The following ADGRL3 variants were observed in gnomAD, a reference collection of about 807,000 sequenced individuals.
ADGRL3 encodes the protein adhesion G protein-coupled receptor L3.
A neutral mutation model predicts 153.5 loss-of-function variants in ADGRL3; 62 were observed. The ratio of observed to expected loss-of-function variants is 0.40; its 90% CI spans 0.33 to 0.50. The LOEUF (loss-of-function observed/expected upper bound fraction) is 0.50. Among genes scored for constraint, ADGRL3 ranks in the 20% least tolerant of loss-of-function variants. The pLI is 0.47. For missense variants in ADGRL3, 1,641 were observed against 1,859.4 expected (o/e 0.88, Z 2.16); for synonymous variants, 710 against 672.5 (o/e 1.06, Z -0.86).
chr4:61,859,294 T>C (rs977250919), intron 9 of ADGRL3, among the ~76,000 whole-genome samples: 32 of 152,320 alleles, frequency 2.1e-4, no homozygotes, highest in African/African-American at 6.7e-4. Context: ...TACATATTAA[T>C]TTAGATAAGC....
chr4:61,798,770 A>G (rs2097447002), intron 8 of ADGRL3, among the ~76,000 whole-genome samples: 1 of 151,056 alleles, frequency 6.6e-6, no homozygotes, highest in Non-Finnish European at 1.5e-5. Context: ...GGCACATGCC[A>G]CTATACACAG....
intron 2 of ADGRL3, among the ~76,000 whole-genome samples, chr4:61,418,265 C>T (rs2097166259): frequency 6.6e-6 from 1 of 152,156 alleles, no homozygotes; most frequent in African/African-American, 2.4e-5. Flanking sequence ...CGCAATTTCT[C>T]TTTAGGGTCA....
At chr4:61,361,452 A>C (rs1413542419) in intron 1 of ADGRL3, among the ~76,000 whole-genome samples, 1 of 152,190 alleles carries the variant, frequency 6.6e-6, no homozygotes, top group Non-Finnish European at 1.5e-5. Flanking sequence ...AAGAAAGTAA[A>C]GAGTAAAATG....
At chr4:62,014,178 G>T (rs2099200680) in intron 21 of ADGRL3, among the ~76,000 whole-genome samples, 1 of 152,080 alleles carries the variant, frequency 6.6e-6, no homozygotes, top group Non-Finnish European at 1.5e-5. Flanking sequence ...AGGATTTGGG[G>T]TTTTTACACT....
At chr4:61,747,849 T>C (rs146452118) in intron 8 of ADGRL3, among the ~76,000 whole-genome samples, 12,315 of 151,872 alleles carry the variant, frequency 0.081, 1,034 homozygotes, top group African/African-American at 0.21. Flanking sequence ...TGTTGGAAGT[T>C]CTGGTCAGGG....
At chr4:61,457,004 T>C (rs540319550) in intron 2 of ADGRL3, among the ~76,000 whole-genome samples, 1 of 152,154 alleles carries the variant, frequency 6.6e-6, no homozygotes, top group Admixed American at 6.6e-5. Context: ...ATAGTTTTTC[T>C]AAGGTATGGA....
intron 9 of ADGRL3, among the ~76,000 whole-genome samples, chr4:61,836,402 T>C (rs2097935667): frequency 6.6e-6 from 1 of 152,162 alleles, no homozygotes; most frequent in South Asian, 2.1e-4. Context: ...GGAAACAATT[T>C]AAGTGTAGTG....
chr4:61,672,943 G>A (rs965381966), intron 5 of ADGRL3, among the ~76,000 whole-genome samples: 2 of 151,906 alleles, frequency 1.3e-5, no homozygotes, highest in African/African-American at 4.8e-5. Context: ...ATCAGCAGAT[G>A]AATAGATAAA....
intron 5 of ADGRL3, among the ~76,000 whole-genome samples, chr4:61,609,169 C>T (rs2099043845): frequency 6.6e-6 from 1 of 152,020 alleles, no homozygotes; most frequent in Non-Finnish European, 1.5e-5. Flanking sequence ...ATTGGTTAGT[C>T]TGTTCGCCAA....
Position 61,946,922 on chromosome 4 carries a change from A to G in ADGRL3, c.2428A>G (p.Arg810Gly). The change falls in exon 16 of 27, where the codon AGA (arginine) becomes GGA (glycine). Residue 810 changes from arginine to glycine, a missense_variant. Around this residue, in one of 5 missense-constraint regions of ADGRL3, gnomAD observed 734 missense variants for 797.0 expected, o/e 0.92. Transcript: ENST00000683033. ...GTTTGCATTTACTTTAGGAGAGATCAGAGTGGCCTTTGTCCTGTATAACAA... is the reference window on the plus strand; with the variant it reads ...GTTTGCATTTACTTTAGGAGAGATCGGAGTGGCCTTTGTCCTGTATAACAA... The part of the protein sequence containing the change: ...LKQNGRNGEI[R>G]VAFVLYNNLG... The G allele has an allele frequency of 1.2e-6, 2 of 1,613,418 alleles. No homozygotes were observed. Among genetic ancestry groups the G allele is most frequent in the South Asian group, 2.2e-5 (2 of 91,070 alleles).
At chr4:62,034,186 G>A (rs1416878281) in intron 23 of ADGRL3, among the ~76,000 whole-genome samples, 1 of 151,736 alleles carries the variant, frequency 6.6e-6, no homozygotes, top group Non-Finnish European at 1.5e-5. Flanking sequence ...TGTGGCTCAT[G>A]AGCCAAATTC....
chr4:61,826,977 C>T (rs932226828), intron 9 of ADGRL3, among the ~76,000 whole-genome samples: 1 of 152,096 alleles, frequency 6.6e-6, no homozygotes, highest in Non-Finnish European at 1.5e-5. Context: ...GATTCCGTTT[C>T]GTTCTTTCCC....
chr4:61,976,417 G>A (rs919695683), intron 17 of ADGRL3, among the ~76,000 whole-genome samples: 1 of 152,096 alleles, frequency 6.6e-6, no homozygotes, highest in Non-Finnish European at 1.5e-5. Flanking sequence ...TACATTCAAT[G>A]TCCACTTGAT....
At chr4:61,929,220 C>T (rs1009617960) in intron 13 of ADGRL3, among the ~76,000 whole-genome samples, 1 of 151,992 alleles carries the variant, frequency 6.6e-6, no homozygotes, top group Non-Finnish European at 1.5e-5. Flanking sequence ...AAAGGAGGCC[C>T]GAGATAATTT....
intron 5 of ADGRL3, among the ~76,000 whole-genome samples, chr4:61,648,525 T>G (rs1159903188): frequency 7.9e-5 from 5 of 63,474 alleles, no homozygotes; most frequent in East Asian, 4.6e-4. Context: ...AATTTTTTTG[T>G]TTTTTTTTCT....
intron 9 of ADGRL3, among the ~76,000 whole-genome samples, chr4:61,819,149 C>T (rs1169439428): frequency 6.6e-6 from 1 of 152,012 alleles, no homozygotes; most frequent in Non-Finnish European, 1.5e-5. Flanking sequence ...GCAAAATGTA[C>T]ATACATCTCT....
rs545065720 is a variant in ADGRL3, at chr4:61,299,373, T to C, written c.-239-83751T>C. Among the ~76,000 whole-genome samples the C allele has an allele frequency of 1.6e-4, 25 of 152,326 alleles. 1 individual carries two copies. Among genetic ancestry groups the C allele is most frequent in the African/African-American group, 5.3e-4 (22 of 41,582 alleles). On this transcript the variant is annotated intron_variant, in intron 1 of 26. Coordinates refer to ENST00000683033, the MANE Select transcript of ADGRL3 (RefSeq NM_001387552.1). ...TGTCTTTGATTGTGTTATTCCATAC[T>C]AGTGTCTTAAATGAAAGCCTGCGTT... is the stretch of plus-strand genomic sequence containing the variant.
At position 61,469,985 on chromosome 4, in the gene ADGRL3, C is replaced by T. The variant is rs35002940; in HGVS notation, c.-173-27136C>T. On this transcript the variant is annotated intron_variant, in intron 2 of 26. Transcript: ENST00000683033. ...TCTGAAGTATTATTACTTATGCTTTCTATCAGCCGGATGCTTTATTTATCA... is the reference window on the plus strand; with the variant it reads ...TCTGAAGTATTATTACTTATGCTTTTTATCAGCCGGATGCTTTATTTATCA... Among the ~76,000 whole-genome samples, 1,277 of 151,926 alleles carry T rather than the reference C, an allele frequency of 8.4e-3. 6 individuals are homozygous for T. The highest frequency in any genetic ancestry group is 0.014 in the Non-Finnish European group (956 of 67,906).
chr4:61,714,427 T>G (rs1306971515), intron 6 of ADGRL3, among the ~76,000 whole-genome samples: 1 of 152,154 alleles, frequency 6.6e-6, no homozygotes, highest in African/African-American at 2.4e-5. Flanking sequence ...ACATGTTGTA[T>G]CCCCTTGGCC....
Sources: gnomAD v4.1 joint callset for allele counts (sites outside exome capture counted in the v4.1 genomes callset) on GRCh38, gnomAD v4.1.1 for gene constraint, gnomAD v4.1.1 regional missense constraint, MANE v1.5 for transcripts, NCBI Gene and HGNC (gene_info 2026-07-23, HGNC 2026-07-21) for gene names.